EPS15L1: variants seen among roughly 807,000 people sequenced by gnomAD.
The protein encoded by EPS15L1 is epidermal growth factor receptor pathway substrate 15 like 1, also known as epidermal growth factor receptor substrate 15-like 1.
Under a neutral mutation model 117.1 loss-of-function variants are expected in EPS15L1, and 43 were observed. The ratio of observed to expected loss-of-function variants is 0.37; its 90% confidence interval spans 0.29 to 0.47. The LOEUF is 0.47. Among genes scored for constraint, EPS15L1 ranks in the 20% least tolerant of loss-of-function variants. EPS15L1 has a pLI of 0.99. For missense variants in EPS15L1, 981 were observed against 1,164.0 expected (o/e 0.84, Z 2.29); for synonymous variants, 459 against 470.5 (o/e 0.98, Z 0.32).
chr19:16,385,738 C>G (rs1325140730), intron 20 of EPS15L1, among the ~76,000 whole-genome samples: 1 of 152,124 alleles, frequency 6.6e-6, no homozygotes, highest in Non-Finnish European at 1.5e-5. Flanking sequence ...CACAGATGCT[C>G]CCATTGCATA....
At chr19:16,433,198 G>C (rs1208499411) in intron 7 of EPS15L1, among the ~76,000 whole-genome samples, 1 of 151,948 alleles carries the variant, frequency 6.6e-6, no homozygotes, top group Non-Finnish European at 1.5e-5. Context: ...TGCAATCTCA[G>C]CTCACTGCAA....
intron 8 of EPS15L1, among the ~76,000 whole-genome samples, chr19:16,426,186 T>A (rs1331945637): frequency 2.0e-5 from 3 of 152,194 alleles, no homozygotes; most frequent in Non-Finnish European, 4.4e-5. Context: ...CATGTTGACA[T>A]CACGTTCCCC....
chr19:16,416,268 G>C (rs1174365224), intron 12 of EPS15L1, among the ~76,000 whole-genome samples: 1 of 152,126 alleles, frequency 6.6e-6, no homozygotes, highest in Non-Finnish European at 1.5e-5. Flanking sequence ...TTCCCACAGA[G>C]GGCAAAGCAC....
chr19:16,466,944 C>T (rs979754617), intron 1 of EPS15L1, among the ~76,000 whole-genome samples: 77 of 151,482 alleles, frequency 5.1e-4, no homozygotes, highest in Middle Eastern at 3.4e-3. Context: ...GCACATGCGT[C>T]ACACGGCAGG....
At chr19:16,403,974 G>C in intron 14 of EPS15L1, 44 bp from the exon 15 acceptor site, 1 of 1,529,918 alleles carries the variant, frequency 6.5e-7, no homozygotes, top group Non-Finnish European at 9.0e-7. Flanking sequence ...TCACAGTGCA[G>C]GATGAAATGG....
At chr19:16,462,924 G>C (rs1239977990) in intron 1 of EPS15L1, among the ~76,000 whole-genome samples, 1 of 152,200 alleles carries the variant, frequency 6.6e-6, no homozygotes, top group Non-Finnish European at 1.5e-5. Context: ...TCCCAGCCCA[G>C]TGGAGGTGAT....
At chr19:16,442,095 G>C in intron 2 of EPS15L1, 83 bp downstream of exon 2, 1 of 1,485,420 alleles carries the variant, frequency 6.7e-7, no homozygotes, top group Non-Finnish European at 9.4e-7. Flanking sequence ...ACAAAAGGCC[G>C]CTCAGCCGGG....
intron 1 of EPS15L1, among the ~76,000 whole-genome samples, chr19:16,446,267 T>C (rs1434167549): frequency 1.3e-5 from 2 of 152,166 alleles, no homozygotes; most frequent in African/African-American, 2.4e-5. Context: ...TAACGACTCC[T>C]AAGCAGGGTT....
chr19:16,404,279 G>A lies in EPS15L1; in HGVS notation c.1428+309C>T, dbSNP rs1368437583. The stretch of plus-strand genomic sequence containing the variant: ...TCTGTGAGGAGCCTCAGAGACACCT[G>A]AGGAGGGGACACAGGCACCCTGGAA... On this transcript the variant is annotated intron_variant, in intron 14 of 23. Coordinates refer to ENST00000455140, the MANE Select transcript of EPS15L1 (RefSeq NM_001258374.3). The surrounding 1 kb of genome is among the most constrained non-coding windows in gnomAD (Gnocchi z 4.2). 6.6e-6 allele frequency among the ~76,000 whole-genome samples: 1 copy of A among 152,210 alleles called. No individual in the cohort carries two copies. The highest frequency in any genetic ancestry group is 1.5e-5 in the Non-Finnish European group (1 of 68,042).
chr19:16,466,548 T>A (rs774170697), intron 1 of EPS15L1, among the ~76,000 whole-genome samples: 1 of 152,042 alleles, frequency 6.6e-6, no homozygotes. Context: ...GCCCAGAAAG[T>A]GTCCAGCAAA....
intron 6 of EPS15L1, among the ~76,000 whole-genome samples, chr19:16,436,072 G>A (rs185789367): frequency 6.6e-6 from 1 of 152,294 alleles, no homozygotes; most frequent in Non-Finnish European, 1.5e-5. Context: ...GATGACAGAG[G>A]TGACTGCATG....
chr19:16,385,307 G>T, intron 20 of EPS15L1, 96 bp from the exon 21 acceptor site: 1 of 1,003,656 alleles, frequency 1.0e-6, no homozygotes, highest in Non-Finnish European at 1.6e-6. Context: ...TGAACCAGGA[G>T]ACTCAGGAAG....
At chr19:16,396,065 C>T (rs930817799) in intron 16 of EPS15L1, among the ~76,000 whole-genome samples, 8 of 151,962 alleles carry the variant, frequency 5.3e-5, no homozygotes, top group East Asian at 1.9e-4. Context: ...TATGATTGTG[C>T]CACTGCACTC....
chr19:16,421,856 C>A (rs968106904), intron 9 of EPS15L1, among the ~76,000 whole-genome samples: 1 of 152,172 alleles, frequency 6.6e-6, no homozygotes, highest in African/African-American at 2.4e-5. Flanking sequence ...GGAGAACCGG[C>A]CCGGCCACAT....
chr19:16,442,041 G>A (rs2145079180), intron 2 of EPS15L1, 60 bp from the exon 3 acceptor site: 2 of 1,506,074 alleles, frequency 1.3e-6, no homozygotes, highest in Non-Finnish European at 9.2e-7. Context: ...CAGGTGAAGT[G>A]GCACCCGCCA....
intron 1 of EPS15L1, among the ~76,000 whole-genome samples, chr19:16,468,761 C>T (rs2093324588): frequency 6.6e-6 from 1 of 152,038 alleles, no homozygotes; most frequent in African/African-American, 2.4e-5. Context: ...ACCGTAATTC[C>T]AATACTTTAG....
At position 16,381,184 on chromosome 19, in the gene EPS15L1, A is replaced by G. The variant is rs1053542939; in HGVS notation, c.2248-3930T>C. Among the ~76,000 whole-genome samples, 2 of 152,198 alleles carry G rather than the reference A, an allele frequency of 1.3e-5. No individual in the cohort carries two copies. Among genetic ancestry groups the G allele is most frequent in the Admixed American group, 6.5e-5 (1 of 15,282 alleles). On this transcript the variant is annotated intron_variant, in intron 21 of 23. Coordinates refer to ENST00000455140, the MANE Select transcript of EPS15L1 (RefSeq NM_001258374.3). The surrounding 1 kb of genome is among the most constrained non-coding windows in gnomAD (Gnocchi z 4.2). ...TCGCTCTGTGCTGATCTTCTCACCTAATAATAGGCCCAGTGACCTGGCAGG... is the reference window on the plus strand; with the variant it reads ...TCGCTCTGTGCTGATCTTCTCACCTGATAATAGGCCCAGTGACCTGGCAGG...
chr19:16,444,168 A>G (rs1599660640), intron 1 of EPS15L1, among the ~76,000 whole-genome samples: 1 of 147,324 alleles, frequency 6.8e-6, no homozygotes, highest in Admixed American at 6.8e-5. Context: ...AGAGGGAAAA[A>G]GTCAAAAAAA....
intron 7 of EPS15L1, among the ~76,000 whole-genome samples, chr19:16,433,015 T>C (rs1212914185): frequency 6.6e-6 from 1 of 151,728 alleles, no homozygotes; most frequent in Non-Finnish European, 1.5e-5. Context: ...TTCACCATAT[T>C]GCCCAAGCTG....
Sources: gnomAD v4.1 joint callset for allele counts (sites outside exome capture counted in the v4.1 genomes callset) on GRCh38, gnomAD v4.1.1 for gene constraint, Gnocchi (gnomAD v3.1) non-coding constraint, MANE v1.5 for transcripts, NCBI Gene and HGNC (gene_info 2026-07-23, HGNC 2026-07-21) for gene names.